Variants in DRC1 observed in about 807,000 individuals in gnomAD.
DRC1 encodes dynein regulatory complex protein 1.
A neutral mutation model predicts 98.7 loss-of-function variants in DRC1; 74 were observed. The observed-to-expected ratio is 0.75, with a 90% CI of 0.62 to 0.91. DRC1 has a LOEUF of 0.91. DRC1 is among the 40% of genes least tolerant of loss of function. The pLI is 0.00. For missense variants in DRC1, 875 were observed against 886.0 expected, an observed-to-expected ratio of 0.99 and a Z score of 0.16; for synonymous variants, 336 against 334.1, an observed-to-expected ratio of 1.01 and a Z score of -0.06.
intron 1 of DRC1, among the ~76,000 whole-genome samples, chr2:26,406,434 C>T (rs918389566): frequency 6.6e-6 from 1 of 152,134 alleles, no homozygotes; most frequent in Non-Finnish European, 1.5e-5. Context: ...TACAGCCGGG[C>T]GTGGTGGCTC....
At chr2:26,411,050 T>C (rs1678591748) in intron 1 of DRC1, among the ~76,000 whole-genome samples, 1 of 152,078 alleles carries the variant, frequency 6.6e-6, no homozygotes, top group South Asian at 2.1e-4. Context: ...GGAAGTAGAG[T>C]ATTCAAGATG....
At chr2:26,429,802 G>C in intron 5 of DRC1, 37 bp downstream of exon 5, 1 of 1,610,190 alleles carries the variant, frequency 6.2e-7, no homozygotes. Flanking sequence ...TCTGCTCTTG[G>C]AGGGCCCCTG....
At chr2:26,424,136 G>A (rs748051217) in intron 3 of DRC1, 135 bp from the exon 4 acceptor site, 142 of 984,162 alleles carry the variant, frequency 1.4e-4, no homozygotes, top group Non-Finnish European at 2.6e-5. Context: ...CATTGAGTTT[G>A]ATTTTGGGCG....
rs1196343385 is a variant in DRC1 at position 26,444,713 on chromosome 2, C to T, written c.1164-3C>T. 6.2e-7 allele frequency: 1 copy of T among 1,613,708 alleles called. No individual in the cohort carries two copies. Among genetic ancestry groups the T allele is most frequent in the Admixed American group, 1.7e-5 (1 of 59,976 alleles). Reference sequence around the variant, plus strand: ...GGCCATGCTCTGTGACTCTCCTTCACAGGCATTTTGCTCTTATTGATGATG... The same window carrying T: ...GGCCATGCTCTGTGACTCTCCTTCATAGGCATTTTGCTCTTATTGATGATG... On this transcript the variant is annotated splice_region_variant and splice_polypyrimidine_tract_variant and intron_variant, in intron 9 of 16. Coordinates refer to ENST00000288710, the MANE Select transcript of DRC1 (RefSeq NM_145038.5).
At chr2:26,452,162 C>A (rs1664023646) in intron 13 of DRC1, among the ~76,000 whole-genome samples, 1 of 151,920 alleles carries the variant, frequency 6.6e-6, no homozygotes. Flanking sequence ...AAAACAGGCA[C>A]ACTCATAAGT....
At chr2:26,414,562 TC>T in intron 2 of DRC1, 131 bp downstream of exon 2, 1 of 791,468 alleles carries the variant, frequency 1.3e-6, no homozygotes, top group Non-Finnish European at 2.0e-6. Flanking sequence ...ATAGAATCTT[TC>T]CCATTTGAGA....
At position 26,454,936 on chromosome 2, in the gene DRC1, TGG is replaced by T; in HGVS notation, c.2063+149_2063+150del. On this transcript the variant is annotated intron_variant, in intron 15 of 16. Coordinates refer to ENST00000288710, the MANE Select transcript of DRC1 (RefSeq NM_145038.5). This position sits in a 1 kb window ranked among gnomAD's most constrained non-coding sequence, Gnocchi z 5.2. ...GCATCTCCTGTGTGGGTGGATCATG[TGG>T]GGCAGTTGGCTCTTGGGCCCTGGCC... 3 of 1,429,698 alleles carry T rather than the reference TGG, an allele frequency of 2.1e-6. No homozygotes were observed. Among genetic ancestry groups the T allele is most frequent in the Non-Finnish European group, 2.9e-6 (3 of 1,038,016 alleles). 88.6% of individuals were successfully genotyped at this position (1,429,698 alleles called of 1,614,324 possible).
Position 26,455,254 on chromosome 2 carries a change from A to G in DRC1, c.2166+21A>G, listed in dbSNP as rs1307525740. ...CCAAGGTGGGCGGCGGGGCCTTCCA[A>G]GGAGGGGCAGCGGGAGACACGGGTG... On this transcript the variant is annotated intron_variant, in intron 16 of 16. Transcript: ENST00000288710. 3.1e-6 allele frequency: 5 copies of G among 1,605,074 alleles called. No individual in the cohort carries two copies. The Admixed American group carries it at 8.4e-5, about 27-fold the overall frequency.
chr2:26,433,681 G>A (rs551323980), intron 7 of DRC1, among the ~76,000 whole-genome samples: 5 of 152,122 alleles, frequency 3.3e-5, no homozygotes, highest in African/African-American at 1.2e-4. Context: ...AAAATTCTAG[G>A]ACATGGGGAG....
chr2:26,444,594 G>T (rs974943571), intron 9 of DRC1, 122 bp from the exon 10 acceptor site: 71 of 1,087,478 alleles, frequency 6.5e-5, no homozygotes, highest in Non-Finnish European at 8.2e-5. Context: ...AGCCGCCCAG[G>T]GATGGGGCCA....
At chr2:26,453,192 G>A (rs528839972) in intron 13 of DRC1, 128 bp from the exon 14 acceptor site, 4 of 1,088,068 alleles carry the variant, frequency 3.7e-6, no homozygotes, top group Non-Finnish European at 5.4e-6. Flanking sequence ...TTCTGTCCCT[G>A]TGTAAATGTC....
At chr2:26,435,739 C>A (rs191251456) in intron 7 of DRC1, among the ~76,000 whole-genome samples, 23 of 151,788 alleles carry the variant, frequency 1.5e-4, no homozygotes, top group African/African-American at 5.6e-4. Context: ...CTGCAAAGGA[C>A]ATATTCTCAT....
chr2:26,413,717 A>G (rs527939317), intron 1 of DRC1, among the ~76,000 whole-genome samples: 9 of 152,252 alleles, frequency 5.9e-5, no homozygotes, highest in Admixed American at 2.0e-4. Context: ...TATTTTATGG[A>G]TAGTAAAATT....
intron 10 of DRC1, 41 bp from the exon 11 acceptor site, chr2:26,448,650 C>A: frequency 6.3e-7 from 1 of 1,596,336 alleles, no homozygotes; most frequent in Middle Eastern, 1.7e-4. Flanking sequence ...CAGAAATTAT[C>A]TTCTTTTTCT....
chr2:26,441,108 T>C (rs780146813), intron 8 of DRC1, among the ~76,000 whole-genome samples: 5 of 152,224 alleles, frequency 3.3e-5, no homozygotes, highest in African/African-American at 9.6e-5. Flanking sequence ...TCATACATCC[T>C]TCCCTTCTTC....
chr2:26,448,224 C>CA (rs34461558), intron 10 of DRC1: 156,851 of 302,124 alleles, frequency 0.52, 30,619 homozygotes, highest in Non-Finnish European at 0.57. Context: ...GACTCCATCT[C>CA]AAAAAAAAAA....
At chr2:26,452,184 G>A (rs937084688) in intron 13 of DRC1, among the ~76,000 whole-genome samples, 10 of 152,144 alleles carry the variant, frequency 6.6e-5, no homozygotes, top group Non-Finnish European at 4.4e-5. Flanking sequence ...ACTGGTAGGA[G>A]TATAAATTGT....
At chr2:26,419,731 A>T (rs1663072672) in intron 2 of DRC1, among the ~76,000 whole-genome samples, 1 of 152,204 alleles carries the variant, frequency 6.6e-6, no homozygotes, top group African/African-American at 2.4e-5. Flanking sequence ...TTCCAAAAAG[A>T]CTTGAAAAAA....
chr2:26,421,390 A>C lies in DRC1; in HGVS notation c.346A>C (p.Lys116Gln). Residue 116 changes from lysine to glutamine, a missense_variant, in exon 3 of 17, where the codon AAG becomes CAG. By Grantham distance (53) the Lys-to-Gln change is moderately conservative. Coordinates refer to ENST00000288710, the MANE Select transcript of DRC1 (RefSeq NM_145038.5). ...IHRRVEEEEIKRQRIEKLENE... is the reference protein window; with the variant it reads ...IHRRVEEEEIQRQRIEKLENE... Reference sequence around the variant, plus strand: ...CAGGAGAGTCGAAGAAGAGGAGATAAAGCGTCAAAGGTAAGGACTGTGCTA... The same window carrying C: ...CAGGAGAGTCGAAGAAGAGGAGATACAGCGTCAAAGGTAAGGACTGTGCTA... 6.2e-7 allele frequency: 1 copy of C among 1,612,896 alleles called. No individual in the cohort carries two copies. The highest frequency in any genetic ancestry group is 1.1e-5 in the South Asian group (1 of 91,046).
Sources: gnomAD v4.1 joint callset for allele counts (sites outside exome capture counted in the v4.1 genomes callset) on GRCh38, gnomAD v4.1.1 for gene constraint, Gnocchi (gnomAD v3.1) non-coding constraint, MANE v1.5 for transcripts, NCBI Gene and HGNC (gene_info 2026-07-23, HGNC 2026-07-21) for gene names.